The following GSDME variants were observed in gnomAD, a reference collection of about 807,000 sequenced individuals.
GSDME encodes the protein gasdermin E.
A neutral mutation model predicts 47.5 loss-of-function variants in GSDME; 44 were observed. The observed-to-expected ratio is 0.93, with a 90% CI of 0.73 to 1.19. GSDME has a LOEUF of 1.19. Ranked by LOEUF, GSDME falls within the 50% of genes most tolerant of loss-of-function variation. The pLI, the probability that GSDME is intolerant of heterozygous loss-of-function variation, is 0.00. For synonymous variants in GSDME, 258 were observed against 252.8 expected (o/e 1.02, Z -0.20); for missense variants, 663 against 604.2 (o/e 1.10, Z -1.02).
In GSDME at chr7:24,726,077, G is replaced by A. The variant is rs576547197; in HGVS notation, c.405-6859C>T. Among the ~76,000 whole-genome samples the A allele has an allele frequency of 1.3e-4, 20 of 152,286 alleles. 1 individual carries two copies. The highest frequency in any genetic ancestry group is 3.3e-4 in the Admixed American group (5 of 15,310). On this transcript the variant is annotated intron_variant, in intron 3 of 9. Transcript: ENST00000645220. The surrounding 1 kb of genome is among the most constrained non-coding windows in gnomAD (Gnocchi z 5.6). ...AGGGAAGCGTGGCTCAGAGCCCAGC[G>A]TGGTTGCTGGGGACCAGAGCAGCCC...
rs374091924 is a variant in GSDME at position 24,710,889 on chromosome 7, C to A, written c.698-501G>T. On this transcript the variant is annotated intron_variant, in intron 5 of 9. Transcript: ENST00000645220. The stretch of plus-strand genomic sequence containing the variant: ...ATAAAAAATAAAATACTGATGTCTG[C>A]AGTTATATGAATGAATTTCACAAAC... Among the ~76,000 whole-genome samples the A allele has an allele frequency of 2.0e-3, 297 of 152,222 alleles. 13 individuals carry two copies. In the South Asian group the frequency reaches 0.048, roughly 25 times the overall value.
the GSDME span, among the ~76,000 whole-genome samples, chr7:24,764,904 G>A: frequency 6.6e-6 from 1 of 152,200 alleles, no homozygotes; most frequent in Non-Finnish European, 1.5e-5. The surrounding 1 kb of genome is among the most constrained non-coding windows in gnomAD (Gnocchi z 4.4). Flanking sequence ...CTGTGTACCT[G>A]AATAAATCTG....
rs537328373 is a variant in GSDME, at chr7:24,736,366, G to A, written c.404+8196C>T. 1.3e-5 allele frequency among the ~76,000 whole-genome samples: 2 copies of A among 152,092 alleles called. No individual in the cohort carries two copies. Among genetic ancestry groups the A allele is most frequent in the Non-Finnish European group, 2.9e-5 (2 of 67,998 alleles). The stretch of plus-strand genomic sequence containing the variant: ...AATCACAGGCAAAAAAACAGCAGGA[G>A]TAACTATATTTATGTCAGACAAAAT... On this transcript the variant is annotated intron_variant, in intron 3 of 9. Transcript: ENST00000645220. The surrounding 1 kb of genome is among the most constrained non-coding windows in gnomAD (Gnocchi z 4.6).
At chr7:24,700,750 G>C (rs1319165852) in intron 9 of GSDME, among the ~76,000 whole-genome samples, 1 of 152,238 alleles carries the variant, frequency 6.6e-6, no homozygotes, top group African/African-American at 2.4e-5. Flanking sequence ...GCTTTAGAGA[G>C]TAGATTAGAC....
At chr7:24,785,518 C>T in the GSDME span, among the ~76,000 whole-genome samples, 3 of 152,112 alleles carry the variant, frequency 2.0e-5, no homozygotes, top group Non-Finnish European at 2.9e-5. Context: ...TGCAGTGGCG[C>T]GATCTCAGCT....
At position 24,745,032 on chromosome 7, in the gene GSDME, T is replaced by C. The variant is rs879376747; in HGVS notation, c.212-278A>G. Among the ~76,000 whole-genome samples, 55 of 132,710 alleles carry C rather than the reference T, an allele frequency of 4.1e-4. No individual in the cohort carries two copies. Among genetic ancestry groups the C allele is most frequent in the Non-Finnish European group, 7.5e-4 (48 of 63,742 alleles). The allele number at this position is 132,710 out of a possible 152,430, so 87.1% of individuals were successfully genotyped here. A position where few individuals can be genotyped will look rare whatever the true frequency, so the allele number is the denominator to read the frequency against. ...GTGTGTGTGTGTGTGTGTGTGTGTG[T>C]GTGGACCACGGGCACACAGTGGACC... On this transcript the variant is annotated intron_variant, in intron 2 of 9. Transcript: ENST00000645220. The surrounding 1 kb of genome is among the most constrained non-coding windows in gnomAD (Gnocchi z 4.4).
the GSDME span, among the ~76,000 whole-genome samples, chr7:24,779,014 G>C: frequency 6.6e-6 from 1 of 152,150 alleles, no homozygotes; most frequent in African/African-American, 2.4e-5. The surrounding 1 kb of genome is among the most constrained non-coding windows in gnomAD (Gnocchi z 6.0). Context: ...GGTCCCATGT[G>C]ACCTCCACCT....
At position 24,714,108 on chromosome 7, in the gene GSDME, T is replaced by C. The variant is rs1789455349; in HGVS notation, c.697+3146A>G. The stretch of plus-strand genomic sequence containing the variant: ...GGACGCTAGCAAATGCCAAGATGTA[T>C]AAAAGTGCAAGGCAGAAGGTCAAGA... On this transcript the variant is annotated intron_variant, in intron 5 of 9. Coordinates refer to ENST00000645220, the MANE Select transcript of GSDME (RefSeq NM_001127453.2). The surrounding 1 kb of genome is among the most constrained non-coding windows in gnomAD (Gnocchi z 5.0). 6.6e-6 allele frequency among the ~76,000 whole-genome samples: 1 copy of C among 152,124 alleles called. No homozygotes were observed. Among genetic ancestry groups the C allele is most frequent in the Admixed American group, 6.5e-5 (1 of 15,286 alleles).
intron 1 of GSDME, among the ~76,000 whole-genome samples, chr7:24,752,652 T>C (rs1338068788): frequency 1.3e-5 from 2 of 152,176 alleles, no homozygotes; most frequent in Admixed American, 1.3e-4. Context: ...GGAACAGATT[T>C]ACTTTGCCAA....
At chr7:24,753,940 G>C (rs911153770) in intron 1 of GSDME, among the ~76,000 whole-genome samples, 2 of 152,160 alleles carry the variant, frequency 1.3e-5, no homozygotes, top group East Asian at 3.8e-4. Context: ...TAACTAGTCA[G>C]CCAGGAAAGA....
At position 24,739,891 on chromosome 7, in the gene GSDME, A is replaced by G. The variant is rs919582993; in HGVS notation, c.404+4671T>C. On this transcript the variant is annotated intron_variant, in intron 3 of 9. Coordinates refer to ENST00000645220, the MANE Select transcript of GSDME (RefSeq NM_001127453.2). This position sits in a 1 kb window ranked among gnomAD's most constrained non-coding sequence, Gnocchi z 5.1. The stretch of plus-strand genomic sequence containing the variant: ...AGGCGGATCACGAGGTCAGGAGTTC[A>G]AGACCAGCCTGGCCAATATGGTGAA... Among the ~76,000 whole-genome samples, 3 of 152,142 alleles carry G rather than the reference A, an allele frequency of 2.0e-5. No individual in the cohort carries two copies. Among genetic ancestry groups the G allele is most frequent in the African/African-American group, 7.2e-5 (3 of 41,438 alleles).
At position 24,716,095 on chromosome 7, in the gene GSDME, C is replaced by A. The variant is rs1789542363; in HGVS notation, c.697+1159G>T. ...AGGAGCTGTCTCACGGGAGACTGCC[C>A]CCCACCCGCCTTCCACAAATGGGGG... On this transcript the variant is annotated intron_variant, in intron 5 of 9. Transcript: ENST00000645220. This position sits in a 1 kb window ranked among gnomAD's most constrained non-coding sequence, Gnocchi z 4.5. 6.6e-6 allele frequency among the ~76,000 whole-genome samples: 1 copy of A among 152,190 alleles called. No homozygotes were observed. The highest frequency in any genetic ancestry group is 1.5e-5 in the Non-Finnish European group (1 of 68,034).
upstream of GSDME, among the ~76,000 whole-genome samples, chr7:24,760,345 C>A (rs1243767087): frequency 6.6e-6 from 1 of 152,156 alleles, no homozygotes; most frequent in Non-Finnish European, 1.5e-5. This position sits in a 1 kb window ranked among gnomAD's most constrained non-coding sequence, Gnocchi z 4.2. Context: ...TCCTTGAGAA[C>A]CACATTTGGA....
chr7:24,704,975 A>G (rs545464359), intron 8 of GSDME: 3 of 152,390 alleles, frequency 2.0e-5, no homozygotes, highest in Non-Finnish European at 4.4e-5. Context: ...GATGGGGGCC[A>G]CCACACCCAG....
At chr7:24,711,379 C>G (rs972928098) in intron 5 of GSDME, among the ~76,000 whole-genome samples, 1 of 152,052 alleles carries the variant, frequency 6.6e-6, no homozygotes, top group Non-Finnish European at 1.5e-5. Context: ...CACCTGCCAC[C>G]ACACCTGGCT....
Position 24,728,751 on chromosome 7 carries a change from A to G in GSDME, c.405-9533T>C, listed in dbSNP as rs1237153945. On this transcript the variant is annotated intron_variant, in intron 3 of 9. Coordinates refer to ENST00000645220, the MANE Select transcript of GSDME (RefSeq NM_001127453.2). This position sits in a 1 kb window ranked among gnomAD's most constrained non-coding sequence, Gnocchi z 7.2. ...GCAGTCCCCATTTCAACCACGTTTC[A>G]TAACAGAAACTTCCCACACATCAGA... Among the ~76,000 whole-genome samples the G allele has an allele frequency of 1.3e-5, 2 of 152,326 alleles. No individual in the cohort carries two copies. The highest frequency in any genetic ancestry group is 2.4e-5 in the African/African-American group (1 of 41,580).
intron 8 of GSDME, 49 bp from the exon 9 acceptor site, chr7:24,702,882 G>A (rs2128046137): frequency 2.0e-6 from 3 of 1,537,538 alleles, no homozygotes; most frequent in Non-Finnish European, 2.7e-6. Context: ...CAAGTCCATG[G>A]GAACAGAGCC....
At chr7:24,718,959 A>G in intron 4 of GSDME, 88 bp downstream of exon 4, 1 of 1,428,806 alleles carries the variant, frequency 7.0e-7, no homozygotes, top group Non-Finnish European at 9.8e-7. Context: ...AAGAGTCCTG[A>G]CTAATGAAGA....
chr7:24,722,141 C>T (rs1300219677), intron 3 of GSDME, among the ~76,000 whole-genome samples: 2 of 152,184 alleles, frequency 1.3e-5, no homozygotes, highest in Non-Finnish European at 2.9e-5. Flanking sequence ...TATCTCAGGG[C>T]CAGGATCAAT....
Sources: allele counts gnomAD v4.1 joint callset (sites outside exome capture counted in the v4.1 genomes callset), GRCh38; gene constraint gnomAD v4.1.1; non-coding constraint Gnocchi (gnomAD v3.1); transcripts MANE v1.5; gene names NCBI Gene and HGNC (gene_info 2026-07-23, HGNC 2026-07-21).